RREB1: variants seen among roughly 807,000 people sequenced by gnomAD.
RREB1 encodes the protein ras-responsive element-binding protein 1.
Under a neutral mutation model 117.8 loss-of-function variants are expected in RREB1, and 27 were observed. The observed-to-expected ratio is 0.23, with a 90% CI of 0.17 to 0.32. RREB1 has a LOEUF of 0.32. Among genes scored for constraint, RREB1 ranks in the 10% least tolerant of loss-of-function variants. The pLI is 1.00. For synonymous variants in RREB1, 1,298 were observed against 1,026.7 expected, an observed-to-expected ratio of 1.26 and a Z score of -5.05; for missense variants, 2,577 against 2,378.2, an observed-to-expected ratio of 1.08 and a Z score of -1.74.
rs1469851927 is a variant in RREB1 at position 7,248,547 on chromosome 6, C to G, written c.4808C>G (p.Thr1603Ser). 3 of 1,614,268 alleles carry G rather than the reference C, an allele frequency of 1.9e-6. No individual in the cohort carries two copies. In the South Asian group the frequency reaches 3.3e-5, roughly 18 times the overall value. Residue 1603 changes from threonine (T) to serine (S), a missense_variant, in exon 13 of 13, where the codon ACC (threonine) becomes AGC (serine). Coordinates refer to ENST00000379938, the MANE Select transcript of RREB1 (RefSeq NM_001003699.4). ...TACAAATGTCAGACCTGCGAGCGAA[C>G]CTTCACCTTGAAGCACAGCCTGGTT... ...RPYKCQTCER[T>S]FTLKHSLVRH...
intron 2 of RREB1, among the ~76,000 whole-genome samples, chr6:7,180,634 A>G (rs1457281057): frequency 2.6e-5 from 4 of 152,230 alleles, no homozygotes; most frequent in African/African-American, 9.6e-5. Flanking sequence ...AAATTGTGAC[A>G]TGGCCATGGG....
At chr6:7,206,917 C>T (rs999498665) in intron 6 of RREB1, among the ~76,000 whole-genome samples, 4 of 152,170 alleles carry the variant, frequency 2.6e-5, no homozygotes, top group African/African-American at 9.7e-5. Context: ...TGGAAGAGGG[C>T]AGGGTGCTCC....
intron 1 of RREB1, among the ~76,000 whole-genome samples, chr6:7,162,081 C>T (rs1337251814): frequency 2.0e-5 from 3 of 152,142 alleles, no homozygotes; most frequent in Non-Finnish European, 2.9e-5. Flanking sequence ...CCACTGCACT[C>T]TCCCTCCTTT....
At chr6:7,134,052 C>T (rs1321038367) in intron 1 of RREB1, among the ~76,000 whole-genome samples, 5 of 152,086 alleles carry the variant, frequency 3.3e-5, no homozygotes, top group African/African-American at 1.2e-4. Context: ...GGGTCATAGG[C>T]TAATGTTATA....
intron 8 of RREB1, chr6:7,215,368 G>T (rs1246030714): frequency 6.6e-6 from 1 of 152,164 alleles, no homozygotes; most frequent in Non-Finnish European, 1.5e-5. Context: ...TGAGGATCTC[G>T]TTCTGTCACC....
intron 1 of RREB1, among the ~76,000 whole-genome samples, chr6:7,148,377 C>T (rs141636243): frequency 2.6e-5 from 4 of 152,246 alleles, no homozygotes; most frequent in South Asian, 2.1e-4. Flanking sequence ...AGAATTCAAA[C>T]GGCATGGCGG....
At chr6:7,150,090 A>G (rs372014168) in intron 1 of RREB1, among the ~76,000 whole-genome samples, 3 of 151,236 alleles carry the variant, frequency 2.0e-5, no homozygotes, top group African/African-American at 7.3e-5. Flanking sequence ...TCAGCACTCC[A>G]TGGTGCTATA....
chr6:7,164,185 G>A (rs1763811467), intron 1 of RREB1, among the ~76,000 whole-genome samples: 1 of 152,182 alleles, frequency 6.6e-6, no homozygotes, highest in Non-Finnish European at 1.5e-5. Context: ...TGGAGAGTTG[G>A]CGCAGAAATT....
intron 10 of RREB1, among the ~76,000 whole-genome samples, chr6:7,232,959 A>G (rs1475795878): frequency 2.0e-5 from 3 of 151,952 alleles, no homozygotes; most frequent in African/African-American, 4.8e-5. Context: ...GAGTAGTATG[A>G]TCTCAGCTCA....
intron 8 of RREB1, chr6:7,218,917 CA>C (rs981184859): frequency 1.7e-4 from 26 of 150,444 alleles, no homozygotes; most frequent in African/African-American, 6.1e-4. Context: ...CCTAAATAGG[CA>C]GACTGTGTAG....
At chr6:7,128,690 C>T (rs540943061) in intron 1 of RREB1, among the ~76,000 whole-genome samples, 6 of 152,226 alleles carry the variant, frequency 3.9e-5, no homozygotes, top group East Asian at 3.9e-4. Flanking sequence ...GTCTTGGGGC[C>T]GGGCGTGGTG....
chr6:7,200,929 C>A (rs1765938742), intron 6 of RREB1, among the ~76,000 whole-genome samples: 1 of 152,192 alleles, frequency 6.6e-6, no homozygotes, highest in South Asian at 2.1e-4. Flanking sequence ...TTAATGCAAG[C>A]AGTACAGTAT....
intron 10 of RREB1, among the ~76,000 whole-genome samples, chr6:7,239,235 G>A (rs12526689): frequency 0.013 from 1,918 of 152,262 alleles, 107 homozygotes; most frequent in East Asian, 0.087. Context: ...CAAAAGTACT[G>A]GGCCCCAGCT....
intron 1 of RREB1, among the ~76,000 whole-genome samples, chr6:7,121,751 C>G (rs1041524631): frequency 5.3e-5 from 8 of 151,946 alleles, no homozygotes; most frequent in Non-Finnish European, 8.8e-5. Flanking sequence ...GTTTCTACTA[C>G]GTTAATTAAC....
At chr6:7,143,654 C>G (rs1762725422) in intron 1 of RREB1, among the ~76,000 whole-genome samples, 1 of 151,922 alleles carries the variant, frequency 6.6e-6, no homozygotes, top group African/African-American at 2.4e-5. Context: ...CCTTTTTTTT[C>G]ACTCCCTTTC....
At chr6:7,164,058 G>A (rs995326561) in intron 1 of RREB1, among the ~76,000 whole-genome samples, 3 of 152,098 alleles carry the variant, frequency 2.0e-5, no homozygotes, top group Non-Finnish European at 2.9e-5. Context: ...TAGAGGCACC[G>A]TTCTAAGTTC....
At chr6:7,189,813 C>A (rs1765303050) in intron 6 of RREB1, among the ~76,000 whole-genome samples, 2 of 152,160 alleles carry the variant, frequency 1.3e-5, no homozygotes, top group South Asian at 4.1e-4. Flanking sequence ...AAAAGAAAAT[C>A]TGATAAACAT....
rs1006711906 is a variant in RREB1, at chr6:7,251,792, T to C, written c.*2824T>C. ...AATTCATATTTTTCTAAAGGGAACTTAAAAACTGCTGCTACATGTTATGTA... is the reference window on the plus strand; with the variant it reads ...AATTCATATTTTTCTAAAGGGAACTCAAAAACTGCTGCTACATGTTATGTA... On this transcript the variant is annotated 3_prime_UTR_variant, in exon 13 of 13. Transcript: ENST00000379938. The C allele has an allele frequency of 6.6e-6, 1 of 152,192 alleles. No homozygotes were observed. Among genetic ancestry groups the C allele is most frequent in the Non-Finnish European group, 1.5e-5 (1 of 68,048 alleles). The allele number at this position is 152,192 out of a possible 1,614,324, so 9.4% of individuals were successfully genotyped here. A position where few individuals can be genotyped will look rare whatever the true frequency, so the allele number is the denominator to read the frequency against.
intron 1 of RREB1, among the ~76,000 whole-genome samples, chr6:7,144,474 T>A (rs148787590): frequency 2.2e-3 from 342 of 152,362 alleles, no homozygotes; most frequent in African/African-American, 7.9e-3. Flanking sequence ...CTTCTGCTCT[T>A]GAAACATGGT....
Sources: gnomAD v4.1 joint callset for allele counts (sites outside exome capture counted in the v4.1 genomes callset) on GRCh38, gnomAD v4.1.1 for gene constraint, MANE v1.5 for transcripts, NCBI Gene and HGNC (gene_info 2026-07-23, HGNC 2026-07-21) for gene names.